Variants in SANBR observed in about 807,000 individuals in gnomAD.
SANBR encodes SANT and BTB domain regulator of class switch recombination.
A neutral mutation model predicts 101.8 loss-of-function variants in SANBR; 77 were observed. That is an observed-to-expected ratio of 0.76 (90% confidence interval 0.63 to 0.91). The LOEUF (loss-of-function observed/expected upper bound fraction) is 0.91. Among genes scored for constraint, SANBR ranks in the 40% least tolerant of loss-of-function variants. The probability of loss-of-function intolerance (pLI) is 0.00; values close to 1 mark genes in which losing one functional copy is unlikely to be tolerated. For missense variants in SANBR, 875 were observed against 853.0 expected (o/e 1.03, Z -0.32); for synonymous variants, 279 against 274.7 (o/e 1.02, Z -0.15).
At chr2:61,073,887 T>C (rs1310300444) in intron 5 of SANBR, among the ~76,000 whole-genome samples, 1 of 152,136 alleles carries the variant, frequency 6.6e-6, no homozygotes, top group East Asian at 1.9e-4. Context: ...AGAAATTGGA[T>C]GTGTATTTTA....
chr2:61,087,396 ATT>A (rs200541859), intron 8 of SANBR, among the ~76,000 whole-genome samples: 52 of 146,638 alleles, frequency 3.5e-4, no homozygotes, highest in East Asian at 4.0e-4. Flanking sequence ...ATCTCTACAG[ATT>A]TTTTTTTTTT....
intron 1 of SANBR, among the ~76,000 whole-genome samples, chr2:61,068,391 A>T (rs1681290242): frequency 6.6e-6 from 1 of 152,216 alleles, no homozygotes; most frequent in African/African-American, 2.4e-5. Context: ...ATTCTTGGAA[A>T]TTTTTGTGCC....
chr2:61,114,710 C>T (rs1665278), intron 16 of SANBR, among the ~76,000 whole-genome samples: 78,348 of 151,972 alleles, frequency 0.52, 20,529 homozygotes, highest in Middle Eastern at 0.65. Flanking sequence ...GCTTCAATGC[C>T]GTGTCGTGAT....
chr2:61,109,122 T>G (rs1248780394), intron 15 of SANBR, 75 bp from the exon 16 acceptor site: 1 of 702,456 alleles, frequency 1.4e-6, no homozygotes, highest in Non-Finnish European at 2.2e-6. Flanking sequence ...CAAAAGAAAT[T>G]TAGGTAAATA....
intron 8 of SANBR, among the ~76,000 whole-genome samples, chr2:61,084,527 C>T (rs1682318121): frequency 6.6e-6 from 1 of 152,180 alleles, no homozygotes; most frequent in Admixed American, 6.5e-5. Flanking sequence ...CCACTGCACT[C>T]CAGCCTGGGC....
In SANBR at chr2:61,070,517, C is replaced by A; in HGVS notation, c.150+17C>A. On this transcript the variant is annotated intron_variant, in intron 3 of 21. Transcript: ENST00000402291. ...CCAAAAGAGGTAAATAACAGTCCCCCCAGAATATCTCCTGAAAATGTTCAG... is the reference window on the plus strand; with the variant it reads ...CCAAAAGAGGTAAATAACAGTCCCCACAGAATATCTCCTGAAAATGTTCAG... 6.3e-7 allele frequency: 1 copy of A among 1,593,562 alleles called. No homozygotes were observed. Among genetic ancestry groups the A allele is most frequent in the Non-Finnish European group, 8.5e-7 (1 of 1,172,334 alleles).
Position 61,122,693 on chromosome 2 carries a change from T to C in SANBR, c.*531T>C. 5 of 985,830 alleles carry C rather than the reference T, an allele frequency of 5.1e-6. No homozygotes were observed. Among genetic ancestry groups the C allele is most frequent in the Non-Finnish European group, 6.0e-6 (5 of 830,152 alleles). The allele number at this position is 985,830 out of a possible 1,614,324, so 61.1% of individuals were successfully genotyped here. A position where few individuals can be genotyped will look rare whatever the true frequency, so the allele number is the denominator to read the frequency against. On this transcript the variant is annotated 3_prime_UTR_variant, in exon 22 of 22. Transcript: ENST00000402291. ...TCTCAAGACTGCATTAAATGAAGTT[T>C]CAGGGTAAGGTATTTCAGTACTGTG...
intron 12 of SANBR, among the ~76,000 whole-genome samples, chr2:61,101,305 A>G (rs1453340563): frequency 6.6e-6 from 1 of 152,198 alleles, no homozygotes; most frequent in Non-Finnish European, 1.5e-5. Context: ...TTCTAACCAC[A>G]TTAATTTCTA....
At chr2:61,122,023 T>G (rs1265600621) in intron 21 of SANBR, 103 bp from the exon 22 acceptor site, 1 of 1,446,786 alleles carries the variant, frequency 6.9e-7, no homozygotes, top group Non-Finnish European at 9.2e-7. Context: ...GCAAGAAGAT[T>G]TATTAAACCT....
chr2:61,109,328 C>G, intron 16 of SANBR, 32 bp downstream of exon 16: 3 of 1,263,044 alleles, frequency 2.4e-6, no homozygotes, highest in Non-Finnish European at 2.2e-6. Flanking sequence ...TCAAATCTCC[C>G]TGTTTATGAA....
At chr2:61,067,475 C>T (rs1392713037) in intron 1 of SANBR, among the ~76,000 whole-genome samples, 1 of 152,158 alleles carries the variant, frequency 6.6e-6, no homozygotes, top group Non-Finnish European at 1.5e-5. Context: ...CAGTGGCTCA[C>T]GCCTGTAATC....
chr2:61,097,946 A>G (rs1047186934), intron 12 of SANBR, 94 bp downstream of exon 12: 86 of 1,004,526 alleles, frequency 8.6e-5, no homozygotes, highest in Non-Finnish European at 1.1e-4. Context: ...ACATAAATAT[A>G]GTAAGAAGCC....
intron 16 of SANBR, among the ~76,000 whole-genome samples, chr2:61,109,637 G>A: frequency 7.2e-6 from 1 of 138,732 alleles, no homozygotes. Flanking sequence ...ATTCATCAAT[G>A]TATGATTTTT....
At chr2:61,087,015 A>C (rs1360435526) in intron 8 of SANBR, among the ~76,000 whole-genome samples, 1 of 152,210 alleles carries the variant, frequency 6.6e-6, no homozygotes. Flanking sequence ...TAGAAGACTC[A>C]AGTTCAGTTA....
At chr2:61,104,844 G>A (rs947212202) in intron 13 of SANBR, among the ~76,000 whole-genome samples, 7 of 141,924 alleles carry the variant, frequency 4.9e-5, no homozygotes, top group African/African-American at 1.3e-4. Flanking sequence ...CGAGGCAGGC[G>A]GATCACTTGA....
chr2:61,103,518 A>G (rs565594367), intron 12 of SANBR, among the ~76,000 whole-genome samples: 1 of 152,198 alleles, frequency 6.6e-6, no homozygotes, highest in Non-Finnish European at 1.5e-5. Flanking sequence ...AGGGATAAAG[A>G]AAAGCAAGGA....
chr2:61,108,104 GTCTT>G (rs1176050127), intron 14 of SANBR, among the ~76,000 whole-genome samples: 2 of 152,146 alleles, frequency 1.3e-5, no homozygotes, highest in African/African-American at 4.8e-5. Context: ...CTGGGAAAGT[GTCTT>G]TCTTTTAGAA....
chr2:61,087,380 G>T (rs1388870313), intron 8 of SANBR, among the ~76,000 whole-genome samples: 2 of 150,682 alleles, frequency 1.3e-5, no homozygotes, highest in South Asian at 4.2e-4. Context: ...AACATAGCCA[G>T]CCCCAATCTC....
At chr2:61,070,548 GTCA>G in intron 3 of SANBR, 48 bp downstream of exon 3, 1 of 1,547,956 alleles carries the variant, frequency 6.5e-7, no homozygotes, top group Non-Finnish European at 8.8e-7. Context: ...TTCAGAAAAG[GTCA>G]TCAATTTAAA....
Sources: allele counts gnomAD v4.1 joint callset (sites outside exome capture counted in the v4.1 genomes callset), GRCh38; gene constraint gnomAD v4.1.1; transcripts MANE v1.5; gene names NCBI Gene and HGNC (gene_info 2026-07-23, HGNC 2026-07-21).